EFNA5: variants seen among roughly 807,000 people sequenced by gnomAD.
EFNA5 encodes ephrin A5, also known as ephrin-A5.
EFNA5 carries 5 observed loss-of-function variants against 22.9 expected under a neutral mutation model. The observed-to-expected ratio is 0.22, with a 90% CI of 0.11 to 0.46. The LOEUF (loss-of-function observed/expected upper bound fraction) is 0.46. EFNA5 is among the 20% of genes least tolerant of loss of function. The pLI is 0.99. For missense variants in EFNA5, 237 were observed against 293.3 expected (o/e 0.81, Z 1.40); for synonymous variants, 113 against 112.2 (o/e 1.01, Z -0.04).
intron 1 of EFNA5, among the ~76,000 whole-genome samples, chr5:107,565,579 GT>G (rs1416750356): frequency 6.6e-6 from 1 of 152,008 alleles, no homozygotes. Flanking sequence ...GCACAACAAA[GT>G]TTGCTGTTTA....
In EFNA5 at chr5:107,608,068, T is replaced by C. The variant is rs116414710; in HGVS notation, c.125+62421A>G. On this transcript the variant is annotated intron_variant, in intron 1 of 4. Coordinates refer to ENST00000333274, the MANE Select transcript of EFNA5 (RefSeq NM_001962.3). ...CAGCAACGTCAAAACGAACACAGAC[T>C]GAGTTATTCTCTGAAGAGGGCTGGC... Among the ~76,000 whole-genome samples the C allele has an allele frequency of 2.4e-3, 370 of 152,282 alleles. 1 individual carries two copies. Among genetic ancestry groups the C allele is most frequent in the African/African-American group, 8.6e-3 (359 of 41,570 alleles).
intron 1 of EFNA5, among the ~76,000 whole-genome samples, chr5:107,538,134 G>A (rs985355692): frequency 3.3e-5 from 5 of 152,310 alleles, no homozygotes; most frequent in African/African-American, 9.6e-5. Flanking sequence ...GTCTGGAAAT[G>A]TCAGGCTAAG....
At chr5:107,641,085 C>T (rs903941897) in intron 1 of EFNA5, among the ~76,000 whole-genome samples, 1 of 151,978 alleles carries the variant, frequency 6.6e-6, no homozygotes, top group Non-Finnish European at 1.5e-5. Flanking sequence ...AGGCTGGGCA[C>T]GGTGGCTCAC....
intron 1 of EFNA5, among the ~76,000 whole-genome samples, chr5:107,539,204 A>C (rs934967811): frequency 1.3e-5 from 2 of 152,218 alleles, no homozygotes; most frequent in Non-Finnish European, 2.9e-5. Context: ...TTAAGGCCAC[A>C]TGTGCTAATT....
intron 1 of EFNA5, among the ~76,000 whole-genome samples, chr5:107,590,938 A>G (rs962138783): frequency 6.6e-6 from 1 of 152,160 alleles, no homozygotes; most frequent in Non-Finnish European, 1.5e-5. Flanking sequence ...TAATGCAAAA[A>G]TTTTAACAGT....
At chr5:107,474,003 CT>C (rs1750214292) in intron 1 of EFNA5, among the ~76,000 whole-genome samples, 2 of 152,274 alleles carry the variant, frequency 1.3e-5, no homozygotes, top group African/African-American at 4.8e-5. Context: ...GACTATCATG[CT>C]TTTGACACAG....
At chr5:107,414,148 C>T (rs1442256933) in intron 2 of EFNA5, among the ~76,000 whole-genome samples, 1 of 152,138 alleles carries the variant, frequency 6.6e-6, no homozygotes, top group East Asian at 1.9e-4. Flanking sequence ...TACATTGCAA[C>T]CTCATAAAGT....
In EFNA5 at chr5:107,660,277, T is replaced by A. The variant is rs1442671922; in HGVS notation, c.125+10212A>T. On this transcript the variant is annotated intron_variant, in intron 1 of 4. Transcript: ENST00000333274. Reference sequence around the variant, plus strand: ...TGGCAAAAACATATATATATATATATATATATATATATATATATATATATA... The same window carrying A: ...TGGCAAAAACATATATATATATATAAATATATATATATATATATATATATA... Among the ~76,000 whole-genome samples, 11 of 39,528 alleles carry A rather than the reference T, an allele frequency of 2.8e-4. No individual in the cohort carries two copies. The East Asian group carries it at 7.4e-3, about 26-fold the overall frequency. The allele number at this position is 39,528 out of a possible 152,430, so 25.9% of individuals were successfully genotyped here.
At chr5:107,669,420 G>A (rs1287767154) in intron 1 of EFNA5, among the ~76,000 whole-genome samples, 1 of 152,034 alleles carries the variant, frequency 6.6e-6, no homozygotes, top group Non-Finnish European at 1.5e-5. Flanking sequence ...CTGTCCCAGA[G>A]AAAGCAGTGC....
intron 1 of EFNA5, among the ~76,000 whole-genome samples, chr5:107,489,084 G>A (rs1425964527): frequency 1.3e-5 from 2 of 152,056 alleles, no homozygotes; most frequent in Non-Finnish European, 2.9e-5. Context: ...TAAAATTCAA[G>A]GTATATATAA....
At chr5:107,463,519 T>G (rs1296344138) in intron 1 of EFNA5, among the ~76,000 whole-genome samples, 1 of 152,298 alleles carries the variant, frequency 6.6e-6, no homozygotes, top group East Asian at 1.9e-4. Flanking sequence ...GAGACATAGG[T>G]ACATATTTGT....
chr5:107,419,749 C>A (rs1748604988), intron 2 of EFNA5, among the ~76,000 whole-genome samples: 1 of 152,154 alleles, frequency 6.6e-6, no homozygotes. Flanking sequence ...TGACCACAGT[C>A]CTACAGAACA....
Position 107,380,185 on chromosome 5 carries a change from GA to G in EFNA5, c.*1069del. ...CGTGGGTACTAGGGTGGGAGGCGGGGAAAGGCCACAGCACACTGGCGCTCCA... is the reference window on the plus strand; with the variant it reads ...CGTGGGTACTAGGGTGGGAGGCGGGGAAGGCCACAGCACACTGGCGCTCCA... On this transcript the variant is annotated 3_prime_UTR_variant, in exon 5 of 5. Transcript: ENST00000333274. The G allele has an allele frequency of 6.6e-6, 1 of 151,882 alleles. No homozygotes were observed. The highest frequency in any genetic ancestry group is 1.5e-5 in the Non-Finnish European group (1 of 68,046). 9.4% of individuals were successfully genotyped at this position (151,882 alleles called of 1,614,324 possible).
chr5:107,405,855 T>C (rs1329666867), intron 2 of EFNA5, among the ~76,000 whole-genome samples: 6 of 150,536 alleles, frequency 4.0e-5, no homozygotes, highest in African/African-American at 1.5e-4. Context: ...TTTATATACA[T>C]AGAATGTATA....
chr5:107,489,937 G>T (rs1319306669), intron 1 of EFNA5, among the ~76,000 whole-genome samples: 2 of 152,154 alleles, frequency 1.3e-5, no homozygotes, highest in Non-Finnish European at 2.9e-5. Flanking sequence ...CCCAGAACAG[G>T]ATGTCCTTCA....
intron 1 of EFNA5, among the ~76,000 whole-genome samples, chr5:107,438,043 T>C (rs1749161994): frequency 6.6e-6 from 1 of 152,208 alleles, no homozygotes; most frequent in East Asian, 1.9e-4. Flanking sequence ...AGGCTAATTG[T>C]TAGATTATGA....
chr5:107,413,607 TCTTGC>T (rs1371056491), intron 2 of EFNA5, among the ~76,000 whole-genome samples: 1 of 152,212 alleles, frequency 6.6e-6, no homozygotes, highest in Non-Finnish European at 1.5e-5. Flanking sequence ...TCACTTGATA[TCTTGC>T]CTGTTTTCTA....
chr5:107,537,627 T>C (rs1408733943), intron 1 of EFNA5, among the ~76,000 whole-genome samples: 3 of 152,094 alleles, frequency 2.0e-5, no homozygotes, highest in Non-Finnish European at 2.9e-5. Flanking sequence ...CACTTGTCCA[T>C]TCATAATCTT....
intron 4 of EFNA5, among the ~76,000 whole-genome samples, chr5:107,385,151 G>T (rs1424743026): frequency 6.6e-6 from 1 of 151,854 alleles, no homozygotes; most frequent in Non-Finnish European, 1.5e-5. Context: ...CATCAATTTT[G>T]GGCCATTGTG....
Sources: allele counts gnomAD v4.1 joint callset (sites outside exome capture counted in the v4.1 genomes callset), GRCh38; gene constraint gnomAD v4.1.1; transcripts MANE v1.5; gene names NCBI Gene and HGNC (gene_info 2026-07-23, HGNC 2026-07-21).